DSP: variants seen among roughly 807,000 people sequenced by gnomAD.
DSP encodes the protein desmoplakin.
A neutral mutation model predicts 290.6 loss-of-function variants in DSP; 114 were observed. The ratio of observed to expected loss-of-function variants is 0.39; its 90% CI spans 0.34 to 0.46. The LOEUF (loss-of-function observed/expected upper bound fraction) is 0.46. DSP is among the 20% of genes least tolerant of loss of function. The pLI is 0.99. For synonymous variants in DSP, 1,311 were observed against 1,316.4 expected (o/e 1.00, Z 0.09); for missense variants, 3,230 against 3,495.8 (o/e 0.92, Z 1.92).
Position 7,571,379 on chromosome 6 carries a change from T to G in DSP, c.1702-4T>G, listed in dbSNP as rs1167505885. On this transcript the variant is annotated splice_region_variant and splice_polypyrimidine_tract_variant and intron_variant, in intron 13 of 23. Coordinates refer to ENST00000379802, the MANE Select transcript of DSP (RefSeq NM_004415.4). ...CCAAATCACTTCTGCCTGTCTCCTT[T>G]CAGCTGAAAACAATGCGGCAGGAAG... 1 of 1,614,198 alleles carries G rather than the reference T, an allele frequency of 6.2e-7. No individual in the cohort carries two copies. Among genetic ancestry groups the G allele is most frequent in the South Asian group, 1.1e-5 (1 of 91,080 alleles).
Position 7,568,434 on chromosome 6 carries a change from C to T in DSP, c.1267-3C>T. The stretch of plus-strand genomic sequence containing the variant: ...TTAAGTATGATTTTATTCACCATTG[C>T]AGAAAGAACGAGAGAAAATCCTTGA... On this transcript the variant is annotated splice_polypyrimidine_tract_variant and splice_region_variant and intron_variant, in intron 10 of 23. Transcript: ENST00000379802. 2 of 1,613,954 alleles carry T rather than the reference C, an allele frequency of 1.2e-6. No individual in the cohort carries two copies. The highest frequency in any genetic ancestry group is 1.7e-6 in the Non-Finnish European group (2 of 1,179,984).
At chr6:7,556,850 C>A (rs562140668) in intron 2 of DSP, among the ~76,000 whole-genome samples, 1 of 152,126 alleles carries the variant, frequency 6.6e-6, no homozygotes. Flanking sequence ...AAATGTTCCT[C>A]GCAGTGGCCC....
Position 7,571,411 on chromosome 6 carries a change from T to C in DSP, c.1730T>C (p.Met577Thr), listed in dbSNP as rs141956992. Reference protein sequence around the residue: ...KLKTMRQEDYMKTIADLELHY... With the variant: ...KLKTMRQEDYTKTIADLELHY... ...AAAACAATGCGGCAGGAAGATTACA[T>C]GAAGACGATAGCCGACCTTGAGTTA... The change falls in exon 14 of 24, where the codon ATG becomes ACG. Residue 577 changes from methionine (M) to threonine (T), a missense_variant. Around this residue, in one of 5 missense-constraint regions of DSP, gnomAD observed 81 missense variants for 130.5 expected, o/e 0.62. Coordinates refer to ENST00000379802, the MANE Select transcript of DSP (RefSeq NM_004415.4). The C allele has an allele frequency of 2.0e-5, 33 of 1,614,066 alleles. No homozygotes were observed. Among genetic ancestry groups the C allele is most frequent in the Non-Finnish European group, 2.6e-5 (31 of 1,180,048 alleles).
At chr6:7,566,127 A>G (rs1758855449) in intron 7 of DSP, among the ~76,000 whole-genome samples, 2 of 152,092 alleles carry the variant, frequency 1.3e-5, no homozygotes, top group Non-Finnish European at 2.9e-5. Flanking sequence ...GGGATTAGAA[A>G]ACCTCAGGAT....
At chr6:7,573,245 T>C (rs1412859669) in intron 15 of DSP, among the ~76,000 whole-genome samples, 2 of 152,108 alleles carry the variant, frequency 1.3e-5, no homozygotes, top group East Asian at 3.9e-4. Context: ...CACATGACTA[T>C]ACACACACAC....
rs1554108296 is a variant in DSP, at chr6:7,580,542, T to C, written c.4352T>C (p.Leu1451Pro). 6.2e-7 allele frequency: 1 copy of C among 1,614,078 alleles called. No individual in the cohort carries two copies. Among genetic ancestry groups the C allele is most frequent in the Non-Finnish European group, 8.5e-7 (1 of 1,180,024 alleles). ...AGGAAACAGCAGCTGGAGGTTGAGC[T>C]GAGACAAGTCACTCAGATGCGAACA... Reference protein sequence around the residue: ...SQRKQQLEVELRQVTQMRTEE... With the variant: ...SQRKQQLEVEPRQVTQMRTEE... Residue 1451 changes from leucine (L) to proline (P), a missense_variant, in exon 23 of 24, where the codon CTG (leucine) becomes CCG (proline). This residue lies in a region of DSP where 1,714 missense variants were observed against 1,844.5 expected (regional missense o/e 0.93). Coordinates refer to ENST00000379802, the MANE Select transcript of DSP (RefSeq NM_004415.4). This position sits in a 1 kb window ranked among gnomAD's most constrained non-coding sequence, Gnocchi z 4.2.
chr6:7,577,406 G>A (rs553757727), intron 20 of DSP, among the ~76,000 whole-genome samples: 2 of 151,980 alleles, frequency 1.3e-5, no homozygotes, highest in African/African-American at 2.4e-5. Context: ...TCGGCTCACC[G>A]CAACCTCTGC....
Position 7,580,389 on chromosome 6 carries a change from G to A in DSP, c.4199G>A (p.Arg1400Gln), listed in dbSNP as rs748109826. The A allele has an allele frequency of 2.2e-5, 35 of 1,614,022 alleles. No homozygotes were observed. Among genetic ancestry groups the A allele is most frequent in the East Asian group, 1.3e-4 (6 of 44,870 alleles). The change falls in exon 23 of 24, where the codon CGA (arginine) becomes CAA (glutamine). Residue 1400 changes from arginine to glutamine, a missense_variant. Arg to Gln is a conservative substitution (Grantham distance 43). Around this residue, in one of 5 missense-constraint regions of DSP, gnomAD observed 1,714 missense variants for 1,844.5 expected, o/e 0.93. Transcript: ENST00000379802. The surrounding 1 kb of genome is among the most constrained non-coding windows in gnomAD (Gnocchi z 4.2). ...GYRAQIDNLT[R>Q]ENRSLSEEIK... The stretch of plus-strand genomic sequence containing the variant: ...CGGGCTCAGATAGACAATCTCACCC[G>A]AGAAAACAGGAGCTTATCTGAAGAA...
chr6:7,555,306 T>G lies in DSP; in HGVS notation c.171-412T>G, dbSNP rs193100571. ...AAAATCATTTGTGTCAATTGTAAATTTTCTGCTTCTCATCATTGTATTGTG... is the reference window on the plus strand; with the variant it reads ...AAAATCATTTGTGTCAATTGTAAATGTTCTGCTTCTCATCATTGTATTGTG... On this transcript the variant is annotated intron_variant, in intron 1 of 23. Coordinates refer to ENST00000379802, the MANE Select transcript of DSP (RefSeq NM_004415.4). 2.2e-4 allele frequency among the ~76,000 whole-genome samples: 34 copies of G among 152,344 alleles called. 1 individual carries two copies. The East Asian group carries it at 4.0e-3, about 18-fold the overall frequency.
In DSP at chr6:7,585,769, G is replaced by T; in HGVS notation, c.8507G>T (p.Gly2836Val). ...RSGSRSGSRS[G>V]SRSGSRSGSR... ...GGCTCCCGCTCGGGATCTCGCTCCG[G>T]ATCTCGCTCCGGGTCCCGCAGTGGG... is the stretch of plus-strand genomic sequence containing the variant. Residue 2836 changes from glycine (G) to valine (V), a missense_variant, in exon 24 of 24, where the codon GGA (glycine) becomes GTA (valine). Gly to Val is a moderately radical substitution (Grantham distance 109). Transcript: ENST00000379802. 6.2e-7 allele frequency: 1 copy of T among 1,609,648 alleles called. No homozygotes were observed. The highest frequency in any genetic ancestry group is 8.5e-7 in the Non-Finnish European group (1 of 1,177,982).
At chr6:7,575,181 T>C in intron 17 of DSP, 114 bp from the exon 18 acceptor site, 1 of 989,502 alleles carries the variant, frequency 1.0e-6, no homozygotes, top group Admixed American at 2.1e-5. Context: ...ACACTTTAAA[T>C]TATGAATATT....
In DSP at chr6:7,582,176, ATATT is replaced by A. The variant is rs1759460034; in HGVS notation, c.5380-465_5380-462del. On this transcript the variant is annotated intron_variant, in intron 23 of 23. Transcript: ENST00000379802. The surrounding 1 kb of genome is among the most constrained non-coding windows in gnomAD (Gnocchi z 4.2). The stretch of plus-strand genomic sequence containing the variant: ...TGTGTGTGTGTGTGTGTATATCTAT[ATATT>A]ATATATATAATTATATAATTACATA... 2.0e-5 allele frequency among the ~76,000 whole-genome samples: 3 copies of A among 146,730 alleles called. No individual in the cohort carries two copies. Among genetic ancestry groups the A allele is most frequent in the African/African-American group, 7.4e-5 (3 of 40,384 alleles).
Position 7,562,541 on chromosome 6 carries a change from C to T in DSP, c.598-111C>T. Reference sequence around the variant, plus strand: ...AAATATTCTGGCTTCAAAAATACTCCATATTTACATCTTTGGTTCTATCTG... The same window carrying T: ...AAATATTCTGGCTTCAAAAATACTCTATATTTACATCTTTGGTTCTATCTG... On this transcript the variant is annotated intron_variant, in intron 4 of 23. Coordinates refer to ENST00000379802, the MANE Select transcript of DSP (RefSeq NM_004415.4). The T allele has an allele frequency of 3.2e-6, 5 of 1,569,630 alleles. No individual in the cohort carries two copies. In the Admixed American group the frequency reaches 8.4e-5, roughly 26 times the overall value.
chr6:7,578,488 A>C lies in DSP; in HGVS notation c.3010A>C (p.Ile1004Leu). Residue 1004 changes from isoleucine (I) to leucine (L), a missense_variant, in exon 22 of 24, where the codon ATT becomes CTT. Transcript: ENST00000379802. ...GGCTGCAGATGTTCATGCTCGGTAC[A>C]TTGAACTACTTACAAGATCTGGAGA... ...QEAADVHARYIELLTRSGDYY... is the reference protein window; with the variant it reads ...QEAADVHARYLELLTRSGDYY... 1 of 1,613,818 alleles carries C rather than the reference A, an allele frequency of 6.2e-7. No individual in the cohort carries two copies. Among genetic ancestry groups the C allele is most frequent in the Admixed American group, 1.7e-5 (1 of 60,000 alleles).
chr6:7,578,624 A>G (rs1381242602), intron 22 of DSP, 62 bp downstream of exon 22: 10 of 1,267,246 alleles, frequency 7.9e-6, no homozygotes, highest in Non-Finnish European at 1.2e-5. Flanking sequence ...CCTTATTATT[A>G]CTTCCACATT....
Position 7,565,666 on chromosome 6 carries a change from C to G in DSP, c.939+146C>G. 1 of 1,164,226 alleles carries G rather than the reference C, an allele frequency of 8.6e-7. No homozygotes were observed. The highest frequency in any genetic ancestry group is 1.2e-6 in the Non-Finnish European group (1 of 813,464). 72.1% of individuals were successfully genotyped at this position (1,164,226 alleles called of 1,614,324 possible). ...TTGAAATGGTCGTGAAAAATCCTTCCTTCCTGAAAACTTCTCCGTGTGGAG... is the reference window on the plus strand; with the variant it reads ...TTGAAATGGTCGTGAAAAATCCTTCGTTCCTGAAAACTTCTCCGTGTGGAG... On this transcript the variant is annotated intron_variant, in intron 7 of 23. Transcript: ENST00000379802. The surrounding 1 kb of genome is among the most constrained non-coding windows in gnomAD (Gnocchi z 4.2).
chr6:7,582,708 C>T lies in DSP; in HGVS notation c.5446C>T (p.Leu1816=). 1.2e-6 allele frequency: 2 copies of T among 1,613,542 alleles called. No individual in the cohort carries two copies. Among genetic ancestry groups the T allele is most frequent in the Non-Finnish European group, 1.7e-6 (2 of 1,179,812 alleles). ...GGTGGTACAGGAAAGAGAGAGCCTT[C>T]TGGTGAAAATCAAAGTCCTGGAGCA... is the stretch of plus-strand genomic sequence containing the variant. The part of the protein sequence containing the change: ...TQVVQERESL[L]VKIKVLEQDK... Residue 1816 remains leucine, a synonymous_variant, in exon 24 of 24, where the codon CTG becomes TTG. Coordinates refer to ENST00000379802, the MANE Select transcript of DSP (RefSeq NM_004415.4). This position sits in a 1 kb window ranked among gnomAD's most constrained non-coding sequence, Gnocchi z 4.2.
At chr6:7,561,070 G>A (rs1758673390) in intron 4 of DSP, among the ~76,000 whole-genome samples, 1 of 151,800 alleles carries the variant, frequency 6.6e-6, no homozygotes, top group South Asian at 2.1e-4. Flanking sequence ...TCCTGCTTCA[G>A]CCTGCCGAGT....
intron 4 of DSP, among the ~76,000 whole-genome samples, chr6:7,562,372 G>GTT (rs1561683391): frequency 3.1e-4 from 41 of 133,536 alleles, no homozygotes; most frequent in African/African-American, 1.1e-3. Context: ...AGGTAGATTT[G>GTT]GTTTTTTTTT....
Sources: allele counts gnomAD v4.1 joint callset (sites outside exome capture counted in the v4.1 genomes callset), GRCh38; gene constraint gnomAD v4.1.1; regional missense constraint gnomAD v4.1.1; non-coding constraint Gnocchi (gnomAD v3.1); transcripts MANE v1.5; gene names NCBI Gene and HGNC (gene_info 2026-07-23, HGNC 2026-07-21).